Variants in IL17RD observed in about 807,000 individuals in gnomAD.
The protein encoded by IL17RD is interleukin 17 receptor D.
In IL17RD, 52 loss-of-function variants were observed where a neutral mutation model predicts 80.5. That is an observed-to-expected ratio of 0.65 (90% CI 0.52 to 0.81). IL17RD has a LOEUF of 0.81. Among genes scored for constraint, IL17RD ranks in the 40% least tolerant of loss-of-function variants. The probability of loss-of-function intolerance (pLI) is 0.00; values close to 1 mark genes in which losing one functional copy is unlikely to be tolerated. For missense variants in IL17RD, 1,024 were observed against 955.1 expected, an observed-to-expected ratio of 1.07 and a Z score of -0.95; for synonymous variants, 416 against 391.8, an observed-to-expected ratio of 1.06 and a Z score of -0.73.
chr3:57,123,810 G>A (rs566699358), intron 1 of IL17RD, among the ~76,000 whole-genome samples: 2 of 152,224 alleles, frequency 1.3e-5, no homozygotes, highest in South Asian at 2.1e-4. Context: ...TTGGGAGGCC[G>A]AGGCAGGTGG....
chr3:57,102,102 A>G (rs1273086669), intron 10 of IL17RD, among the ~76,000 whole-genome samples: 1 of 152,170 alleles, frequency 6.6e-6, no homozygotes, highest in Non-Finnish European at 1.5e-5. Flanking sequence ...GACTACAAAA[A>G]AAATTTTTTT....
rs1286409108 is a variant in IL17RD, at chr3:57,120,242, A to T, written c.184+14T>A. 1.9e-6 allele frequency: 3 copies of T among 1,598,106 alleles called. No individual in the cohort carries two copies. Among genetic ancestry groups the T allele is most frequent in the Non-Finnish European group, 2.6e-6 (3 of 1,165,428 alleles). ...AAAGGGCTCCATTCTTCAGCAATAAAGGCGGTTACTTACTGTCATATTTGA... is the reference window on the plus strand; with the variant it reads ...AAAGGGCTCCATTCTTCAGCAATAATGGCGGTTACTTACTGTCATATTTGA... On this transcript the variant is annotated intron_variant, in intron 2 of 12. Coordinates refer to ENST00000296318, the MANE Select transcript of IL17RD (RefSeq NM_017563.5).
At chr3:57,098,713 G>A (rs920454081) in intron 11 of IL17RD, among the ~76,000 whole-genome samples, 175 bp from the exon 12 acceptor site, 5 of 152,220 alleles carry the variant, frequency 3.3e-5, no homozygotes, top group Admixed American at 6.5e-5. Context: ...CTAAAGTTCC[G>A]TGGGTGATGG....
intron 1 of IL17RD, among the ~76,000 whole-genome samples, chr3:57,147,457 T>C (rs898971372): frequency 6.6e-6 from 1 of 152,206 alleles, no homozygotes; most frequent in Non-Finnish European, 1.5e-5. Flanking sequence ...GTTCAGTCAT[T>C]ATACAGGACA....
chr3:57,106,663 A>T (rs756558230), intron 5 of IL17RD, among the ~76,000 whole-genome samples: 8 of 152,198 alleles, frequency 5.3e-5, no homozygotes, highest in Admixed American at 2.0e-4. Context: ...GCAGGCATAT[A>T]AGTAGTAGTG....
At chr3:57,103,575 A>G (rs1162921137) in intron 8 of IL17RD, among the ~76,000 whole-genome samples, 1 of 152,252 alleles carries the variant, frequency 6.6e-6, no homozygotes, top group African/African-American at 2.4e-5. Flanking sequence ...CAAAATGTTA[A>G]GACATGTTGG....
intron 1 of IL17RD, among the ~76,000 whole-genome samples, chr3:57,123,951 G>A (rs1283960618): frequency 4.6e-5 from 7 of 152,136 alleles, no homozygotes; most frequent in South Asian, 2.1e-4. Flanking sequence ...AGGCTGAGGC[G>A]GGAGAATCGC....
chr3:57,114,709 C>A lies in IL17RD; in HGVS notation c.293G>T (p.Trp98Leu), dbSNP rs1363289986. 1.4e-5 allele frequency: 23 copies of A among 1,610,796 alleles called. No homozygotes were observed. The highest frequency in any genetic ancestry group is 1.8e-5 in the Non-Finnish European group (21 of 1,178,942). The change falls in exon 3 of 13, where the codon TGG (tryptophan) becomes TTG (leucine). Residue 98 changes from tryptophan (W) to leucine (L), a missense_variant. By Grantham distance (61) the Trp-to-Leu change is moderately conservative. Coordinates refer to ENST00000296318, the MANE Select transcript of IL17RD (RefSeq NM_017563.5). ...CCACTCACCGAGGGCCCCTGGGGAC[C>A]AAAGAATGGTGACTGCCACTTGGTC... The part of the protein sequence containing the change: ...CHDQVAVTIL[W>L]SPGALGIEFL...
chr3:57,146,479 G>C (rs532778272), intron 1 of IL17RD, among the ~76,000 whole-genome samples: 7 of 152,094 alleles, frequency 4.6e-5, no homozygotes, highest in Admixed American at 3.3e-4. Context: ...GGCTGGGCGC[G>C]GTGGCTCATG....
chr3:57,161,688 T>C (rs929988702), intron 1 of IL17RD, among the ~76,000 whole-genome samples: 5 of 152,188 alleles, frequency 3.3e-5, no homozygotes, highest in African/African-American at 4.8e-5. Flanking sequence ...CCTAACTCCT[T>C]GTTCCATAAA....
intron 1 of IL17RD, among the ~76,000 whole-genome samples, chr3:57,120,786 G>A (rs887162238): frequency 6.6e-6 from 1 of 152,126 alleles, no homozygotes; most frequent in African/African-American, 2.4e-5. Context: ...TCAAGACTGG[G>A]AATGAGTATG....
intron 5 of IL17RD, 102 bp downstream of exon 5, chr3:57,109,435 G>A (rs1707042007): frequency 2.8e-5 from 37 of 1,331,232 alleles, no homozygotes; most frequent in Admixed American, 4.2e-5. Flanking sequence ...GTGAGCCACC[G>A]CGCCCGGCCT....
At chr3:57,101,459 C>T (rs1186257242) in intron 10 of IL17RD, 96 bp from the exon 11 acceptor site, 23 of 783,408 alleles carry the variant, frequency 2.9e-5, no homozygotes, top group South Asian at 3.6e-5. Context: ...AGAAAGAACA[C>T]GTCTACCTAG....
intron 4 of IL17RD, 106 bp downstream of exon 4, chr3:57,110,087 G>A: frequency 1.5e-6 from 2 of 1,327,188 alleles, no homozygotes; most frequent in Non-Finnish European, 1.0e-6. Context: ...GGCGGGTGGG[G>A]TGGACCCCAT....
upstream of IL17RD, chr3:57,165,356 G>T: frequency 1.7e-6 from 2 of 1,192,030 alleles, no homozygotes; most frequent in Non-Finnish European, 2.1e-6. Flanking sequence ...CCCCGAGTGG[G>T]CGGTGGCCGC....
chr3:57,126,500 C>A (rs1707461452), intron 1 of IL17RD, among the ~76,000 whole-genome samples: 1 of 152,176 alleles, frequency 6.6e-6, no homozygotes, highest in Admixed American at 6.5e-5. Context: ...TACAGAGAGG[C>A]CGGCAGCGGA....
chr3:57,136,692 CT>C (rs1559480643), intron 1 of IL17RD, among the ~76,000 whole-genome samples: 2 of 126,154 alleles, frequency 1.6e-5, no homozygotes, highest in Non-Finnish European at 3.2e-5. Context: ...CAATATTTAA[CT>C]TGCTTTTAGG....
chr3:57,108,061 T>G (rs527651775), intron 5 of IL17RD, among the ~76,000 whole-genome samples: 1 of 151,920 alleles, frequency 6.6e-6, no homozygotes, highest in Non-Finnish European at 1.5e-5. Flanking sequence ...TTTATTCCTT[T>G]TTTTTTTTTT....
intron 1 of IL17RD, among the ~76,000 whole-genome samples, chr3:57,124,660 T>C (rs1421849823): frequency 6.6e-6 from 1 of 152,156 alleles, no homozygotes; most frequent in East Asian, 1.9e-4. Flanking sequence ...TAAGATCCGT[T>C]TTAGAATTCT....
Sources: allele counts gnomAD v4.1 joint callset (sites outside exome capture counted in the v4.1 genomes callset), GRCh38; gene constraint gnomAD v4.1.1; transcripts MANE v1.5; gene names NCBI Gene and HGNC (gene_info 2026-07-23, HGNC 2026-07-21).